ASAP1: variants seen among roughly 807,000 people sequenced by gnomAD.
ASAP1 encodes arf-GAP with SH3 domain, ANK repeat and PH domain-containing protein 1.
In ASAP1, 43 loss-of-function variants were observed where a neutral mutation model predicts 145.2. That is an observed-to-expected ratio of 0.30 (90% confidence interval 0.23 to 0.38). The LOEUF (loss-of-function observed/expected upper bound fraction) is 0.38, where lower values mean the gene tolerates loss of function less well. Ranked by LOEUF, ASAP1 falls within the 10% of genes least tolerant of loss-of-function variation. The pLI is 1.00. For synonymous variants in ASAP1, 546 were observed against 515.5 expected, an observed-to-expected ratio of 1.06 and a Z score of -0.80; for missense variants, 1,018 against 1,355.3, an observed-to-expected ratio of 0.75 and a Z score of 3.91.
intron 27 of ASAP1, among the ~76,000 whole-genome samples, chr8:130,068,551 A>C (rs2097435071): frequency 1.3e-5 from 2 of 152,248 alleles, no homozygotes; most frequent in South Asian, 4.1e-4. Context: ...CTTTGGTTTT[A>C]AACACTACAG....
intron 4 of ASAP1, among the ~76,000 whole-genome samples, chr8:130,230,342 A>T (rs909142431): frequency 2.6e-5 from 4 of 152,202 alleles, no homozygotes; most frequent in Non-Finnish European, 5.9e-5. Context: ...ATGTGAGCCA[A>T]TAACTAGGAT....
intron 9 of ASAP1, 52 bp from the exon 10 acceptor site, chr8:130,169,119 T>C: frequency 8.8e-7 from 1 of 1,136,992 alleles, no homozygotes; most frequent in Non-Finnish European, 1.3e-6. Context: ...AAAAAGAGTA[T>C]TTGTTTCCTT....
chr8:130,440,806 C>T (rs1302019114), intron 1 of ASAP1, among the ~76,000 whole-genome samples: 1 of 152,212 alleles, frequency 6.6e-6, no homozygotes, highest in Non-Finnish European at 1.5e-5. Context: ...TGGCCAGTTC[C>T]TTCTCCATTT....
chr8:130,336,828 A>G (rs1317839337), intron 3 of ASAP1, among the ~76,000 whole-genome samples: 1 of 152,258 alleles, frequency 6.6e-6, no homozygotes, highest in Non-Finnish European at 1.5e-5. Context: ...AGCTAAAAAG[A>G]TACTAAACTC....
intron 1 of ASAP1, among the ~76,000 whole-genome samples, chr8:130,416,473 C>T (rs76011355): frequency 6.6e-6 from 1 of 152,172 alleles, no homozygotes. Flanking sequence ...TCCCAGCTGC[C>T]GACCAGTCAA....
rs540658003 is a variant in ASAP1, at chr8:130,377,566, G to C, written c.60-19423C>G. ...GCAATACAGGGCCCCAGCTCTCAAG[G>C]AGCCTATGGTCAATCAGAGTATGCA... On this transcript the variant is annotated intron_variant, in intron 2 of 29. Coordinates refer to ENST00000518721, the MANE Select transcript of ASAP1 (RefSeq NM_018482.4). Among the ~76,000 whole-genome samples the C allele has an allele frequency of 7.2e-4, 109 of 152,270 alleles. 3 individuals are homozygous for C. The South Asian group carries it at 0.023, about 32-fold the overall frequency.
At chr8:130,267,551 T>A (rs564510263) in intron 3 of ASAP1, among the ~76,000 whole-genome samples, 1 of 152,348 alleles carries the variant, frequency 6.6e-6, no homozygotes, top group African/African-American at 2.4e-5. Context: ...ATGGAGGGGC[T>A]GGAAGTCATC....
chr8:130,400,135 G>C (rs544007789), intron 2 of ASAP1, among the ~76,000 whole-genome samples: 1 of 152,122 alleles, frequency 6.6e-6, no homozygotes, highest in Non-Finnish European at 1.5e-5. Flanking sequence ...CCGGTGTCTT[G>C]TGTGAGATCA....
At chr8:130,348,257 G>C (rs1403540895) in intron 3 of ASAP1, among the ~76,000 whole-genome samples, 2 of 152,188 alleles carry the variant, frequency 1.3e-5, no homozygotes, top group African/African-American at 4.8e-5. Flanking sequence ...GCATCTGGCA[G>C]GGAAAGGGGT....
intron 3 of ASAP1, among the ~76,000 whole-genome samples, chr8:130,334,585 G>A (rs544160693): frequency 2.4e-4 from 37 of 152,270 alleles, no homozygotes; most frequent in African/African-American, 8.4e-4. Context: ...CTTAAAGCTT[G>A]CTTCTAGCTG....
intron 9 of ASAP1, among the ~76,000 whole-genome samples, chr8:130,172,373 C>T (rs1813647433): frequency 6.6e-6 from 1 of 152,076 alleles, no homozygotes; most frequent in Admixed American, 6.6e-5. Context: ...CAGAAATCAC[C>T]ACTAAATAAC....
chr8:130,325,466 T>G (rs1187972293), intron 3 of ASAP1, among the ~76,000 whole-genome samples: 3 of 152,200 alleles, frequency 2.0e-5, no homozygotes, highest in Admixed American at 6.5e-5. Context: ...TTATCATATT[T>G]TGTTCACTCT....
rs183301220 is a variant in ASAP1, at chr8:130,079,742, G to A, written c.2642+160C>T. ...CCCAGTCCAGTCACAAGATGTGCAT[G>A]CAAACCAAGAGTGAACGTCTGGTTT... is the stretch of plus-strand genomic sequence containing the variant. On this transcript the variant is annotated intron_variant, in intron 26 of 29. Coordinates refer to ENST00000518721, the MANE Select transcript of ASAP1 (RefSeq NM_018482.4). 4.6e-4 allele frequency among the ~76,000 whole-genome samples: 70 copies of A among 152,248 alleles called. 1 individual carries two copies. Among genetic ancestry groups the A allele is most frequent in the Admixed American group, 4.1e-3 (62 of 15,290 alleles).
At chr8:130,356,061 T>C (rs1486876363) in intron 3 of ASAP1, among the ~76,000 whole-genome samples, 1 of 151,010 alleles carries the variant, frequency 6.6e-6, no homozygotes, top group Non-Finnish European at 1.5e-5. Context: ...CTACCTAATC[T>C]TACAACAGTA....
chr8:130,414,694 C>CT (rs1202058264), intron 1 of ASAP1, among the ~76,000 whole-genome samples: 1 of 151,356 alleles, frequency 6.6e-6, no homozygotes, highest in East Asian at 1.9e-4. Context: ...CAATGAAATT[C>CT]TTTTTTCTTG....
intron 3 of ASAP1, among the ~76,000 whole-genome samples, chr8:130,344,483 A>T (rs1438760962): frequency 2.6e-5 from 4 of 152,246 alleles, no homozygotes; most frequent in African/African-American, 7.2e-5. Flanking sequence ...AGGAGGCAGA[A>T]ATGAAAAAAA....
At chr8:130,356,268 T>C (rs945264150) in intron 3 of ASAP1, among the ~76,000 whole-genome samples, 8 of 152,144 alleles carry the variant, frequency 5.3e-5, no homozygotes, top group Non-Finnish European at 1.2e-4. Flanking sequence ...ACTATCTAAA[T>C]GTGCAGGAAG....
chr8:130,433,800 T>A (rs568068290), intron 1 of ASAP1, among the ~76,000 whole-genome samples: 4 of 152,370 alleles, frequency 2.6e-5, no homozygotes, highest in African/African-American at 9.6e-5. Context: ...ACTTTCCTTA[T>A]ATATTGCTTT....
At chr8:130,385,813 C>T (rs963091282) in intron 2 of ASAP1, among the ~76,000 whole-genome samples, 3 of 152,176 alleles carry the variant, frequency 2.0e-5, no homozygotes, top group African/African-American at 4.8e-5. Context: ...TGGGCATTTG[C>T]GGTTTTACTT....
Sources: allele counts gnomAD v4.1 joint callset (sites outside exome capture counted in the v4.1 genomes callset), GRCh38; gene constraint gnomAD v4.1.1; transcripts MANE v1.5; gene names NCBI Gene and HGNC (gene_info 2026-07-23, HGNC 2026-07-21).